Variants in ADK observed in about 807,000 individuals in gnomAD.
The protein encoded by ADK is N6,N6-dimethyladenosine kinase.
A neutral mutation model predicts 44.7 loss-of-function variants in ADK; 24 were observed. The observed-to-expected ratio is 0.54, with a 90% confidence interval of 0.39 to 0.76. The LOEUF is 0.76. Ranked by LOEUF, ADK falls within the 30% of genes least tolerant of loss-of-function variation. ADK has a pLI of 0.00. For missense variants in ADK, 321 were observed against 425.1 expected, an observed-to-expected ratio of 0.76 and a Z score of 2.15; for synonymous variants, 128 against 142.6, an observed-to-expected ratio of 0.90 and a Z score of 0.73.
intron 3 of ADK, among the ~76,000 whole-genome samples, chr10:74,268,393 A>T (rs926880192): frequency 6.0e-5 from 9 of 150,996 alleles, no homozygotes; most frequent in Middle Eastern, 3.4e-3. Context: ...TACACTATTG[A>T]TTTTATTTCA....
At chr10:74,529,406 T>C (rs1261026352) in intron 7 of ADK, 7 of 152,006 alleles carry the variant, frequency 4.6e-5, no homozygotes, top group Admixed American at 6.6e-5. Flanking sequence ...GAGCTTCTGT[T>C]TGGGATGATG....
chr10:74,327,104 C>G (rs1199740690), intron 4 of ADK, among the ~76,000 whole-genome samples: 2 of 150,780 alleles, frequency 1.3e-5, no homozygotes, highest in African/African-American at 2.4e-5. Flanking sequence ...TTTTCTAGTC[C>G]CTTGAGGCGC....
At chr10:74,666,949 G>A (rs1854980722) in intron 9 of ADK, among the ~76,000 whole-genome samples, 1 of 150,610 alleles carries the variant, frequency 6.6e-6, no homozygotes, top group African/African-American at 2.5e-5. Context: ...TCGTGCCTCA[G>A]CCTCCCAGGT....
intron 4 of ADK, chr10:74,372,133 A>T: frequency 1.3e-6 from 1 of 750,094 alleles, no homozygotes; most frequent in African/African-American, 1.7e-5. Flanking sequence ...TTCATGCCTG[A>T]TCTCTACAGA....
chr10:74,455,339 T>TA (rs1219178021), intron 6 of ADK, among the ~76,000 whole-genome samples: 25 of 151,682 alleles, frequency 1.6e-4, no homozygotes, highest in African/African-American at 3.1e-4. Context: ...CCCCATCTCT[T>TA]AAAAAAAATA....
chr10:74,370,573 G>A (rs1018528532), intron 4 of ADK, among the ~76,000 whole-genome samples: 30 of 152,086 alleles, frequency 2.0e-4, no homozygotes, highest in Non-Finnish European at 4.4e-4. Context: ...TAAAATTTGA[G>A]AAAGCAACAT....
At chr10:74,302,444 G>A (rs1840091891) in intron 3 of ADK, among the ~76,000 whole-genome samples, 1 of 151,626 alleles carries the variant, frequency 6.6e-6, no homozygotes, top group African/African-American at 2.4e-5. Context: ...CAAATGGACT[G>A]TTGATGGTTT....
At chr10:74,426,758 TAAAC>T (rs1175988626) in intron 6 of ADK, among the ~76,000 whole-genome samples, 1 of 152,186 alleles carries the variant, frequency 6.6e-6, no homozygotes, top group African/African-American at 2.4e-5. Context: ...CCTAAAATTG[TAAAC>T]AAACAAGTGA....
chr10:74,271,709 AATTTCATCCATGTC>A (rs1407022225), intron 3 of ADK, among the ~76,000 whole-genome samples: 1 of 149,970 alleles, frequency 6.7e-6, no homozygotes, highest in African/African-American at 2.5e-5. Flanking sequence ...GATGATTTCC[AATTTCATCCATGTC>A]CCTATAAAGG....
At position 74,541,398 on chromosome 10, in the gene ADK, A is replaced by G. The variant is rs113820322; in HGVS notation, c.726+15972A>G. ...TGGAAAAATCCTAATATCCTTTTTGACTGATCCAGATCCAGTCCAGGTTGC... is the reference window on the plus strand; with the variant it reads ...TGGAAAAATCCTAATATCCTTTTTGGCTGATCCAGATCCAGTCCAGGTTGC... On this transcript the variant is annotated intron_variant, in intron 7 of 10. Coordinates refer to ENST00000539909, the MANE Select transcript of ADK (RefSeq NM_006721.4). Among the ~76,000 whole-genome samples, 5 of 152,178 alleles carry G rather than the reference A, an allele frequency of 3.3e-5. 1 individual carries two copies. The highest frequency in any genetic ancestry group is 7.2e-5 in the African/African-American group (3 of 41,520).
At chr10:74,178,403 A>G (rs2132074209) in intron 1 of ADK, among the ~76,000 whole-genome samples, 1 of 152,346 alleles carries the variant, frequency 6.6e-6, no homozygotes, top group South Asian at 2.1e-4. Context: ...TTTAGGATGA[A>G]TTAGAATTAG....
chr10:74,592,253 T>C (rs1055616145), intron 8 of ADK, among the ~76,000 whole-genome samples: 1 of 152,136 alleles, frequency 6.6e-6, no homozygotes, highest in African/African-American at 2.4e-5. Flanking sequence ...TAAAAAGTTT[T>C]ATAAGGCCTT....
chr10:74,454,267 T>TA (rs1171251667), intron 6 of ADK, among the ~76,000 whole-genome samples: 10 of 152,312 alleles, frequency 6.6e-5, no homozygotes, highest in African/African-American at 1.4e-4. Context: ...GTGTGCTTGG[T>TA]AAATTTGAAG....
chr10:74,378,438 A>G (rs1219615387), intron 4 of ADK, among the ~76,000 whole-genome samples: 1 of 151,388 alleles, frequency 6.6e-6, no homozygotes, highest in Non-Finnish European at 1.5e-5. Flanking sequence ...ATGAATAGCT[A>G]ATATTTATTT....
intron 9 of ADK, among the ~76,000 whole-genome samples, chr10:74,640,566 A>T (rs143900425): frequency 6.6e-6 from 1 of 152,326 alleles, no homozygotes; most frequent in East Asian, 1.9e-4. Flanking sequence ...AATCTCTAAT[A>T]TATCTTTCAG....
chr10:74,696,393 A>G (rs1856207878), intron 10 of ADK, among the ~76,000 whole-genome samples: 1 of 144,070 alleles, frequency 6.9e-6, no homozygotes, highest in South Asian at 2.2e-4. Flanking sequence ...TTTGAAACGA[A>G]CTCGTTCTGT....
At chr10:74,565,498 C>T (rs1395847280) in intron 7 of ADK, among the ~76,000 whole-genome samples, 2 of 152,026 alleles carry the variant, frequency 1.3e-5, no homozygotes, top group African/African-American at 4.8e-5. Flanking sequence ...GAGGCTGAGG[C>T]GGGCAGATCA....
rs201252216 is a variant in ADK, at chr10:74,303,585, G to T, written c.195-11082G>T. On this transcript the variant is annotated intron_variant, in intron 3 of 10. Coordinates refer to ENST00000539909, the MANE Select transcript of ADK (RefSeq NM_006721.4). ...AAACACTTTTCATATTGGTTTTAAT[G>T]TTGTTTTTTTTTTTTTTTTTTTTTT... Among the ~76,000 whole-genome samples, 95 of 64,550 alleles carry T rather than the reference G, an allele frequency of 1.5e-3. 2 individuals carry two copies. Among genetic ancestry groups the T allele is most frequent in the Admixed American group, 1.7e-3 (8 of 4,764 alleles). The allele number at this position is 64,550 out of a possible 152,430, so 42.3% of individuals were successfully genotyped here. A position where few individuals can be genotyped will look rare whatever the true frequency, so the allele number is the denominator to read the frequency against.
At chr10:74,646,564 A>T (rs1415986645) in intron 9 of ADK, among the ~76,000 whole-genome samples, 1 of 152,206 alleles carries the variant, frequency 6.6e-6, no homozygotes, top group Admixed American at 6.5e-5. Flanking sequence ...GGCCAAAGTT[A>T]AAAATACCAC....
Sources: gnomAD v4.1 joint callset for allele counts (sites outside exome capture counted in the v4.1 genomes callset) on GRCh38, gnomAD v4.1.1 for gene constraint, MANE v1.5 for transcripts, NCBI Gene and HGNC (gene_info 2026-07-23, HGNC 2026-07-21) for gene names.